The following ETV4 variants were observed in gnomAD, a reference collection of about 807,000 sequenced individuals.
ETV4 encodes the protein ETS variant transcription factor 4.
ETV4 carries 42 observed loss-of-function variants against 65.9 expected under a neutral mutation model. The ratio of observed to expected loss-of-function variants is 0.64; its 90% CI spans 0.50 to 0.82. ETV4 has a LOEUF of 0.82. Among genes scored for constraint, ETV4 ranks in the 40% least tolerant of loss-of-function variants. The probability of loss-of-function intolerance (pLI) is 0.00; values close to 1 mark genes in which losing one functional copy is unlikely to be tolerated. For synonymous variants in ETV4, 238 were observed against 260.0 expected, an observed-to-expected ratio of 0.92 and a Z score of 0.81; for missense variants, 583 against 630.3, an observed-to-expected ratio of 0.92 and a Z score of 0.80.
chr17:43,531,271 G>T (rs1414363060), intron 8 of ETV4, among the ~76,000 whole-genome samples: 1 of 152,226 alleles, frequency 6.6e-6, no homozygotes, highest in African/African-American at 2.4e-5. Flanking sequence ...AAGCCAGGAG[G>T]AAAGAAGAAA....
At chr17:43,533,580 G>T (rs1971076298) in intron 6 of ETV4, among the ~76,000 whole-genome samples, 1 of 151,930 alleles carries the variant, frequency 6.6e-6, no homozygotes, top group Admixed American at 6.6e-5. Flanking sequence ...ATTCATACAG[G>T]GGGGATTTGT....
intron 4 of ETV4, 96 bp downstream of exon 4, chr17:43,544,879 A>G: frequency 8.6e-7 from 1 of 1,169,552 alleles, no homozygotes; most frequent in Non-Finnish European, 1.3e-6. Flanking sequence ...CAGGGAAGGG[A>G]GAGGAGAAGT....
chr17:43,537,356 A>G (rs944667373), intron 4 of ETV4, among the ~76,000 whole-genome samples: 2 of 148,368 alleles, frequency 1.3e-5, no homozygotes, highest in African/African-American at 2.5e-5. Context: ...CAAGAGTGAA[A>G]CTCCATCTCA....
intron 4 of ETV4, among the ~76,000 whole-genome samples, chr17:43,542,002 C>G (rs1027536697): frequency 6.6e-6 from 1 of 152,154 alleles, no homozygotes; most frequent in Non-Finnish European, 1.5e-5. Context: ...TTCACTCTTG[C>G]AGCAGCAAGA....
chr17:43,534,139 C>A (rs557917598), intron 5 of ETV4, among the ~76,000 whole-genome samples, 154 bp from the exon 6 acceptor site: 1 of 152,178 alleles, frequency 6.6e-6, no homozygotes, highest in Non-Finnish European at 1.5e-5. Context: ...CGCAGTGAGA[C>A]AAGAACATTT....
At chr17:43,543,276 A>ACTCTCTCTCTCTCTCTCTCTCT (rs60214474) in intron 4 of ETV4, among the ~76,000 whole-genome samples, 13 of 138,256 alleles carry the variant, frequency 9.4e-5, no homozygotes, top group African/African-American at 3.5e-4. Flanking sequence ...ACACACACAC[A>ACTCTCTCTCTCTCTCTCTCTCT]CTCTCTCTCT....
chr17:43,533,660 A>G (rs993479038), intron 6 of ETV4, among the ~76,000 whole-genome samples, 199 bp downstream of exon 6: 3 of 152,024 alleles, frequency 2.0e-5, no homozygotes, highest in Admixed American at 6.5e-5. Context: ...TGGCCTCAGT[A>G]TATATTCCTG....
Position 43,545,557 on chromosome 17 carries a change from C to A in ETV4, c.60+1G>T, listed in dbSNP as rs1598225162. Reference sequence around the variant, plus strand: ...GGCGTGGAGGCCGGCGCGGCGCTCACGCTGCTGAAGGTGTAGGGCACTTGC... The same window carrying A: ...GGCGTGGAGGCCGGCGCGGCGCTCAAGCTGCTGAAGGTGTAGGGCACTTGC... On this transcript the variant is annotated splice_donor_variant, in intron 2 of 12. Transcript: ENST00000319349. LOFTEE classifies it high-confidence loss of function. 3 of 1,549,378 alleles carry A rather than the reference C, an allele frequency of 1.9e-6. No homozygotes were observed. Among genetic ancestry groups the A allele is most frequent in the South Asian group, 2.4e-5 (2 of 83,984 alleles).
rs1140492 is a variant in ETV4, at chr17:43,527,934, G to T, written c.*585C>A. On this transcript the variant is annotated 3_prime_UTR_variant, in exon 13 of 13. Coordinates refer to ENST00000319349, the MANE Select transcript of ETV4 (RefSeq NM_001079675.5). ...GGCCTGGGCCTAGGAAAGGGCAGAA[G>T]AAAGGCAAAGGGTCCCTTGGAGCAG... 3 of 233,286 alleles carry T rather than the reference G, an allele frequency of 1.3e-5. No individual in the cohort carries two copies. The highest frequency in any genetic ancestry group is 6.6e-5 in the African/African-American group (3 of 45,314). 14.5% of individuals were successfully genotyped at this position (233,286 alleles called of 1,614,324 possible).
At chr17:43,533,383 G>C (rs756676332) in intron 6 of ETV4, 35 bp from the exon 7 acceptor site, 1 of 1,587,050 alleles carries the variant, frequency 6.3e-7, no homozygotes, top group Non-Finnish European at 8.6e-7. Context: ...TGAGGGGGCA[G>C]AGAAGCTGGA....
chr17:43,536,484 A>T lies in ETV4; in HGVS notation c.203-5T>A. 1 of 1,614,206 alleles carries T rather than the reference A, an allele frequency of 6.2e-7. No individual in the cohort carries two copies. ...CATCACTGTCTGGTACCTGAGCTGC[A>T]GAGAGAAGTCAGAGGTGAGTTTGGG... On this transcript the variant is annotated splice_region_variant and splice_polypyrimidine_tract_variant and intron_variant, in intron 4 of 12. Transcript: ENST00000319349.
rs756738915 is a variant in ETV4 at position 43,533,307 on chromosome 17, G to T, written c.425C>A (p.Ala142Asp). ...GGGCGACTGTCCAAGGGCACCAGGG[G>T]CAGGGGACTTGATGGCGATTTGTCT... is the stretch of plus-strand genomic sequence containing the variant. ...PPRQIAIKSP[A>D]PGALGQSPLQ... is the part of the protein sequence containing the mutation. Residue 142 changes from alanine (A) to aspartate (D), a missense_variant, in exon 7 of 13, where the codon GCC becomes GAC. Coordinates refer to ENST00000319349, the MANE Select transcript of ETV4 (RefSeq NM_001079675.5). 6.8e-6 allele frequency: 11 copies of T among 1,613,788 alleles called. No homozygotes were observed. In the African/African-American group the frequency reaches 8.0e-5, roughly 12 times the overall value.
intron 5 of ETV4, 155 bp downstream of exon 5, chr17:43,536,271 C>T: frequency 1.4e-6 from 1 of 714,326 alleles, no homozygotes; most frequent in Non-Finnish European, 2.5e-6. Context: ...AGATTTCAAC[C>T]AAGGTTTTCA....
Position 43,545,728 on chromosome 17 carries a change from G to A in ETV4, c.-51-60C>T, listed in dbSNP as rs941216087. On this transcript the variant is annotated intron_variant, in intron 1 of 12. Coordinates refer to ENST00000319349, the MANE Select transcript of ETV4 (RefSeq NM_001079675.5). Reference sequence around the variant, plus strand: ...CAGGGAGGGCTGCGATGGGGGCGGGGAGGGGGCAGTCCCAAGGCTCTGGGT... The same window carrying A: ...CAGGGAGGGCTGCGATGGGGGCGGGAAGGGGGCAGTCCCAAGGCTCTGGGT... 1.8e-4 allele frequency: 160 copies of A among 871,314 alleles called. 2 individuals carry two copies. The highest frequency in any genetic ancestry group is 2.6e-4 in the Admixed American group (12 of 45,792). 54.0% of individuals were successfully genotyped at this position (871,314 alleles called of 1,614,324 possible). A position where few individuals can be genotyped will look rare whatever the true frequency, so the allele number is the denominator to read the frequency against.
At chr17:43,530,615 T>C (rs1259937158) in intron 8 of ETV4, among the ~76,000 whole-genome samples, 4 of 90,380 alleles carry the variant, frequency 4.4e-5, no homozygotes, top group Admixed American at 1.1e-4. Flanking sequence ...CGCGCGTGTG[T>C]GTGTGTGTGT....
Position 43,545,232 on chromosome 17 carries a change from TGTGGC to T in ETV4, c.154+37_154+41del, listed in dbSNP as rs764318817. On this transcript the variant is annotated intron_variant, in intron 3 of 12. Transcript: ENST00000319349. ...GTGTGTGTGTGTGTGTGTGTGTGTG[TGTGGC>T]GGAGGAGGGTCGCGGTTTGTCTCTC... The T allele has an allele frequency of 8.6e-5, 104 of 1,205,198 alleles. 2 individuals carry two copies. The African/African-American group carries it at 1.5e-3, about 17-fold the overall frequency. 74.7% of individuals were successfully genotyped at this position (1,205,198 alleles called of 1,614,324 possible).
At position 43,529,617 on chromosome 17, in the gene ETV4, C is replaced by T. The variant is rs772449304; in HGVS notation, c.1015G>A (p.Gly339Ser). Residue 339 changes from glycine (G) to serine (S), a missense_variant, in exon 11 of 13, where the codon GGT (glycine) becomes AGT (serine). Coordinates refer to ENST00000319349, the MANE Select transcript of ETV4 (RefSeq NM_001079675.5). ...AGAAATTGCCACAGCTGCAGGGCAC[C>T]CCGGCGCTGGTAGGGCGGCCCCTCT... ...FREGPPYQRR[G>S]ALQLWQFLVA... 6.8e-6 allele frequency: 11 copies of T among 1,613,994 alleles called. No homozygotes were observed. In the East Asian group the frequency reaches 2.0e-4, roughly 29 times the overall value.
At chr17:43,530,862 G>A (rs1488702271) in intron 8 of ETV4, among the ~76,000 whole-genome samples, 2 of 151,944 alleles carry the variant, frequency 1.3e-5, no homozygotes, top group African/African-American at 4.8e-5. Context: ...ATGAGAAGAT[G>A]GTGAAACATG....
intron 11 of ETV4, 96 bp from the exon 12 acceptor site, chr17:43,529,332 G>T (rs958222166): frequency 4.9e-6 from 7 of 1,430,864 alleles, no homozygotes; most frequent in Non-Finnish European, 6.9e-6. Flanking sequence ...TTGGTGCAAA[G>T]TGCCAAGCTA....
Sources: gnomAD v4.1 joint callset for allele counts (sites outside exome capture counted in the v4.1 genomes callset) on GRCh38, gnomAD v4.1.1 for gene constraint, MANE v1.5 for transcripts, NCBI Gene and HGNC (gene_info 2026-07-23, HGNC 2026-07-21) for gene names.